CREB1: variants seen among roughly 807,000 people sequenced by gnomAD.
CREB1 encodes cyclic AMP-responsive element-binding protein 1.
In CREB1, 2 loss-of-function variants were observed where a neutral mutation model predicts 42.0. The ratio of observed to expected loss-of-function variants is 0.05; its 90% confidence interval spans 0.02 to 0.15. The LOEUF is 0.15. Among genes scored for constraint, CREB1 ranks in the 10% least tolerant of loss-of-function variants. CREB1 has a pLI of 1.00. For missense variants in CREB1, 199 were observed against 388.9 expected, an observed-to-expected ratio of 0.51 and a Z score of 4.11; for synonymous variants, 123 against 139.9, an observed-to-expected ratio of 0.88 and a Z score of 0.85.
intron 5 of CREB1, 38 bp from the exon 6 acceptor site, chr2:207,575,234 G>A (rs1484206070): frequency 3.2e-6 from 5 of 1,583,796 alleles, no homozygotes; most frequent in Non-Finnish European, 2.6e-6. Context: ...GTCTTATATG[G>A]TATTAAACTT....
At chr2:207,559,240 T>G (rs1487415299) in intron 2 of CREB1, 2 of 928,630 alleles carry the variant, frequency 2.2e-6, no homozygotes, top group Admixed American at 1.2e-4. Context: ...TGCTTGAAAT[T>G]CTGTGACTCT....
At chr2:207,530,282 A>T (rs1421995122) in intron 1 of CREB1, 148 bp downstream of exon 1, 1 of 151,788 alleles carries the variant, frequency 6.6e-6, no homozygotes, top group Non-Finnish European at 1.5e-5. Context: ...GCCCCACAAC[A>T]TCGCCGCCGC....
At chr2:207,580,350 C>T (rs975060595) in intron 7 of CREB1, among the ~76,000 whole-genome samples, 5 of 152,198 alleles carry the variant, frequency 3.3e-5, no homozygotes, top group South Asian at 4.1e-4. Flanking sequence ...AGGAGGTGAA[C>T]GTGGAGTGCT....
chr2:207,594,668 T>G (rs911989455), intron 7 of CREB1, among the ~76,000 whole-genome samples: 2 of 152,196 alleles, frequency 1.3e-5, no homozygotes, highest in South Asian at 4.1e-4. Flanking sequence ...TGAATAATGC[T>G]GCAATGAACA....
At chr2:207,586,332 TTCAA>T (rs2083834978) in intron 7 of CREB1, among the ~76,000 whole-genome samples, 1 of 152,176 alleles carries the variant, frequency 6.6e-6, no homozygotes, top group African/African-American at 2.4e-5. Flanking sequence ...GGACACTCTC[TTCAA>T]TCAATGGTAT....
intron 1 of CREB1, among the ~76,000 whole-genome samples, chr2:207,552,680 A>T (rs1436092461): frequency 1.4e-5 from 2 of 144,240 alleles, no homozygotes; most frequent in Non-Finnish European, 3.0e-5. Flanking sequence ...ATCTCGGCTT[A>T]CTACAACCTC....
At chr2:207,549,603 A>G (rs1438376080) in intron 1 of CREB1, among the ~76,000 whole-genome samples, 1 of 152,222 alleles carries the variant, frequency 6.6e-6, no homozygotes, top group African/African-American at 2.4e-5. Context: ...GCTGGGGTGC[A>G]GTGGCTCACG....
intron 1 of CREB1, among the ~76,000 whole-genome samples, chr2:207,543,091 C>G (rs1390993782): frequency 6.6e-6 from 1 of 152,150 alleles, no homozygotes; most frequent in African/African-American, 2.4e-5. Context: ...AATATCCTCC[C>G]ATATACTTTA....
chr2:207,559,373 T>A (rs1322945643), intron 2 of CREB1: 1 of 741,298 alleles, frequency 1.3e-6, no homozygotes, highest in Non-Finnish European at 1.6e-6. Context: ...ATTTTTCTTT[T>A]AGCAAACCTC....
intron 1 of CREB1, among the ~76,000 whole-genome samples, chr2:207,540,396 T>C (rs2106365378): frequency 6.6e-6 from 1 of 151,918 alleles, no homozygotes; most frequent in Middle Eastern, 3.4e-3. Context: ...ATCCTAGCAC[T>C]TGGGGAGGCT....
In CREB1 at chr2:207,600,022, CTT is replaced by C. The variant is rs1397877047; in HGVS notation, c.*2965_*2966del. ...AGGGGTTTATTTTTGATATATTACT[CTT>C]ATGAGTTTTCAAGCTTTGATAATGT... On this transcript the variant is annotated 3_prime_UTR_variant, in exon 8 of 8. Transcript: ENST00000353267. The C allele has an allele frequency of 2.5e-4, 47 of 189,328 alleles. No individual in the cohort carries two copies. The East Asian group carries it at 3.7e-3, about 15-fold the overall frequency. 11.7% of individuals were successfully genotyped at this position (189,328 alleles called of 1,614,324 possible). A position where few individuals can be genotyped will look rare whatever the true frequency, so the allele number is the denominator to read the frequency against.
intron 6 of CREB1, among the ~76,000 whole-genome samples, chr2:207,575,934 T>G (rs866690161): frequency 1.4e-4 from 2 of 14,206 alleles, no homozygotes; most frequent in Non-Finnish European, 1.6e-4. Context: ...TTTCTCTGCT[T>G]CCCCCCCCCC....
intron 7 of CREB1, 99 bp downstream of exon 7, chr2:207,577,754 A>G (rs769583656): frequency 3.3e-5 from 49 of 1,462,940 alleles, no homozygotes; most frequent in Non-Finnish European, 3.8e-5. Flanking sequence ...GGATCTTTGC[A>G]TTGAATTTTT....
rs2106583372 is a variant in CREB1, at chr2:207,577,969, A to G, written c.839+314A>G. ...GGTTATTTAAAAATGGTTTCTTTTC[A>G]TGTATAGTATTGTTCAAGAAGATCA... is the stretch of plus-strand genomic sequence containing the variant. On this transcript the variant is annotated intron_variant, in intron 7 of 7. Transcript: ENST00000353267. The G allele has an allele frequency of 8.5e-6, 3 of 352,660 alleles. 1 individual carries two copies. The Middle Eastern group carries it at 2.9e-3, about 346-fold the overall frequency. The allele number at this position is 352,660 out of a possible 1,614,324, so 21.8% of individuals were successfully genotyped here.
intron 7 of CREB1, among the ~76,000 whole-genome samples, chr2:207,585,995 T>G (rs376740239): frequency 2.6e-5 from 4 of 152,126 alleles, no homozygotes; most frequent in African/African-American, 2.4e-5. Flanking sequence ...GAGAGAGAGA[T>G]ATATATCCAG....
At chr2:207,584,154 A>C (rs2083404930) in intron 7 of CREB1, among the ~76,000 whole-genome samples, 1 of 152,254 alleles carries the variant, frequency 6.6e-6, no homozygotes, top group South Asian at 2.1e-4. Context: ...CTTTCCATTA[A>C]CATGAGTAAA....
intron 7 of CREB1, among the ~76,000 whole-genome samples, chr2:207,588,091 T>G (rs1441077640): frequency 6.6e-6 from 1 of 151,736 alleles, no homozygotes; most frequent in East Asian, 1.9e-4. Context: ...CAACTAAAAA[T>G]AAAAAGGAAA....
intron 1 of CREB1, among the ~76,000 whole-genome samples, chr2:207,536,240 C>A (rs2080865190): frequency 6.6e-6 from 1 of 152,100 alleles, no homozygotes. Context: ...AAATCTCTTT[C>A]CAGAAAACAT....
At chr2:207,544,551 C>A (rs2081226731) in intron 1 of CREB1, among the ~76,000 whole-genome samples, 1 of 152,110 alleles carries the variant, frequency 6.6e-6, no homozygotes, top group East Asian at 1.9e-4. Flanking sequence ...GAGAAAGGTT[C>A]TTTTTTATTT....
Sources: gnomAD v4.1 joint callset for allele counts (sites outside exome capture counted in the v4.1 genomes callset) on GRCh38, gnomAD v4.1.1 for gene constraint, MANE v1.5 for transcripts, NCBI Gene and HGNC (gene_info 2026-07-23, HGNC 2026-07-21) for gene names.